FOCAD: variants seen among roughly 807,000 people sequenced by gnomAD.
FOCAD encodes the protein KIAA1797.
Under a neutral mutation model 225.6 loss-of-function variants are expected in FOCAD, and 198 were observed. That is an observed-to-expected ratio of 0.88 (90% CI 0.78 to 0.99). The LOEUF is 0.99. Among genes scored for constraint, FOCAD ranks in the 50% least tolerant of loss-of-function variants. FOCAD has a pLI of 0.00. For missense variants in FOCAD, 2,713 were observed against 2,123.6 expected (o/e 1.28, Z -5.46); for synonymous variants, 897 against 755.0 (o/e 1.19, Z -3.08).
chr9:20,994,034 T>A (rs967059173), intron 43 of FOCAD, among the ~76,000 whole-genome samples: 2 of 152,240 alleles, frequency 1.3e-5, no homozygotes, highest in African/African-American at 2.4e-5. Flanking sequence ...TATAATCATA[T>A]ACAATTGAAA....
intron 22 of FOCAD, among the ~76,000 whole-genome samples, chr9:20,912,357 T>C (rs573771307): frequency 6.6e-6 from 1 of 152,230 alleles, no homozygotes; most frequent in South Asian, 2.1e-4. Flanking sequence ...ATGGTACCTA[T>C]TTTTATAAGT....
At chr9:20,990,417 G>C (rs775921788) in intron 42 of FOCAD, 43 bp downstream of exon 42, 1 of 1,603,578 alleles carries the variant, frequency 6.2e-7, no homozygotes, top group Non-Finnish European at 8.5e-7. Flanking sequence ...GGCAGCCATT[G>C]TCTCTTCAGC....
In FOCAD at chr9:20,714,313, A is replaced by C. The variant is rs897834043; in HGVS notation, c.-32-1009A>C. Reference sequence around the variant, plus strand: ...TGTATTTTCAGATTAGGGTTGCTCAACCTGCAGTTAGAAAAGGCTGCTAGT... The same window carrying C: ...TGTATTTTCAGATTAGGGTTGCTCACCCTGCAGTTAGAAAAGGCTGCTAGT... On this transcript the variant is annotated intron_variant, in intron 1 of 43. Transcript: ENST00000338382. Among the ~76,000 whole-genome samples the C allele has an allele frequency of 8.0e-5, 12 of 150,376 alleles. 1 individual carries two copies. Among genetic ancestry groups the C allele is most frequent in the African/African-American group, 2.9e-4 (12 of 40,802 alleles).
intron 24 of FOCAD, 60 bp from the exon 25 acceptor site, chr9:20,923,600 C>G: frequency 7.4e-7 from 1 of 1,342,532 alleles, no homozygotes; most frequent in Non-Finnish European, 1.1e-6. Flanking sequence ...TATATTAGCT[C>G]TTTCTCTTCT....
At chr9:20,898,822 A>T (rs1025087534) in intron 21 of FOCAD, among the ~76,000 whole-genome samples, 19 of 151,992 alleles carry the variant, frequency 1.3e-4, no homozygotes, top group Non-Finnish European at 2.6e-4. Flanking sequence ...AGGTAAAAGG[A>T]AATAAAGTAA....
intron 25 of FOCAD, 71 bp from the exon 26 acceptor site, chr9:20,926,230 C>T (rs1378563991): frequency 4.3e-6 from 4 of 936,248 alleles, no homozygotes; most frequent in Non-Finnish European, 6.9e-6. Flanking sequence ...AAGGGAGTTA[C>T]ACCTTAGATT....
intron 11 of FOCAD, among the ~76,000 whole-genome samples, chr9:20,819,535 C>T (rs1824093388): frequency 6.6e-6 from 1 of 152,004 alleles, no homozygotes; most frequent in Non-Finnish European, 1.5e-5. Context: ...ATCTTAACTA[C>T]TATTGTATTT....
intron 15 of FOCAD, among the ~76,000 whole-genome samples, chr9:20,848,327 C>T (rs1422762641): frequency 6.6e-6 from 1 of 152,074 alleles, no homozygotes; most frequent in African/African-American, 2.4e-5. Flanking sequence ...TGCATTCCCT[C>T]CTTCTGGGTC....
chr9:20,791,535 A>G (rs1820539538), intron 11 of FOCAD, among the ~76,000 whole-genome samples: 1 of 152,166 alleles, frequency 6.6e-6, no homozygotes, highest in Admixed American at 6.5e-5. Context: ...TACCTCTAGT[A>G]TTTAGAACAT....
chr9:20,946,022 G>A (rs1185363116), intron 29 of FOCAD, among the ~76,000 whole-genome samples: 1 of 151,910 alleles, frequency 6.6e-6, no homozygotes, highest in East Asian at 1.9e-4. Context: ...GGTCAATTTG[G>A]GACATATTCC....
At chr9:20,747,280 TATATC>T (rs1321806098) in intron 5 of FOCAD, among the ~76,000 whole-genome samples, 1 of 152,148 alleles carries the variant, frequency 6.6e-6, no homozygotes, top group Admixed American at 6.6e-5. Flanking sequence ...ATTAAGGAGA[TATATC>T]AGATTCTGAT....
chr9:20,978,826 C>T (rs1303687746), intron 37 of FOCAD, among the ~76,000 whole-genome samples: 1 of 152,142 alleles, frequency 6.6e-6, no homozygotes, highest in Admixed American at 6.5e-5. Flanking sequence ...TCCATATGTA[C>T]CGGACTTATC....
At chr9:20,664,039 T>A (rs1444507553) in intron 2 of FOCAD, among the ~76,000 whole-genome samples, 1 of 152,158 alleles carries the variant, frequency 6.6e-6, no homozygotes, top group Non-Finnish European at 1.5e-5. Context: ...AAAGCACTTT[T>A]CCAACAGTGA....
At chr9:20,733,103 C>T (rs959720423) in intron 4 of FOCAD, among the ~76,000 whole-genome samples, 2 of 152,010 alleles carry the variant, frequency 1.3e-5, no homozygotes, top group African/African-American at 4.8e-5. Context: ...AAAGTCTTTA[C>T]CTTGATTTGT....
At position 20,820,491 on chromosome 9, in the gene FOCAD, G is replaced by A. The variant is rs1824204223; in HGVS notation, c.1662+66G>A. The A allele has an allele frequency of 4.7e-5, 64 of 1,348,110 alleles. 1 individual carries two copies. The South Asian group carries it at 7.7e-4, about 16-fold the overall frequency. 83.5% of individuals were successfully genotyped at this position (1,348,110 alleles called of 1,614,324 possible). On this transcript the variant is annotated intron_variant, in intron 13 of 43. Transcript: ENST00000338382. ...CCTTTCACTGAAGGAAAATAATTAT[G>A]TCATATATGGCAATGCTTTGGTTTA...
At chr9:20,937,806 G>A (rs1409411362) in intron 28 of FOCAD, among the ~76,000 whole-genome samples, 1 of 152,128 alleles carries the variant, frequency 6.6e-6, no homozygotes, top group African/African-American at 2.4e-5. Context: ...TACAGAATGG[G>A]AGAGAATTTT....
At chr9:20,930,654 T>G (rs1307511190) in intron 27 of FOCAD, among the ~76,000 whole-genome samples, 1 of 152,204 alleles carries the variant, frequency 6.6e-6, no homozygotes, top group East Asian at 1.9e-4. Context: ...TTTTGGGGAA[T>G]ACCATATTTC....
intron 35 of FOCAD, among the ~76,000 whole-genome samples, chr9:20,975,059 C>T (rs1840111574): frequency 6.6e-6 from 1 of 152,196 alleles, no homozygotes; most frequent in Middle Eastern, 3.4e-3. Flanking sequence ...TTTTCCTTTT[C>T]CTACCTCTAC....
intron 15 of FOCAD, among the ~76,000 whole-genome samples, chr9:20,854,030 G>C (rs183399409): frequency 1.3e-5 from 2 of 151,830 alleles, no homozygotes; most frequent in East Asian, 1.9e-4. Context: ...ATGATGACTT[G>C]AGTCCTTTAA....
Sources: gnomAD v4.1 joint callset for allele counts (sites outside exome capture counted in the v4.1 genomes callset) on GRCh38, gnomAD v4.1.1 for gene constraint, MANE v1.5 for transcripts, NCBI Gene and HGNC (gene_info 2026-07-23, HGNC 2026-07-21) for gene names.